Variants in MALRD1 observed in about 807,000 individuals in gnomAD.
The protein encoded by MALRD1 is MAM and LDL receptor class A domain containing 1, also known as MAM and LDL-receptor class A domain-containing protein 1.
A neutral mutation model predicts 242.1 loss-of-function variants in MALRD1; 247 were observed. The observed-to-expected ratio is 1.02, with a 90% CI of 0.92 to 1.13. The LOEUF (loss-of-function observed/expected upper bound fraction) is 1.13, where lower values mean the gene tolerates loss of function less well. Ranked by LOEUF, MALRD1 falls within the 50% of genes most tolerant of loss-of-function variation. MALRD1 has a pLI of 0.00. For synonymous variants in MALRD1, 995 were observed against 866.6 expected (o/e 1.15, Z -2.60); for missense variants, 2,989 against 2,533.1 (o/e 1.18, Z -3.86).
At chr10:19,668,018 C>G (rs546791158) in intron 36 of MALRD1, among the ~76,000 whole-genome samples, 2 of 152,194 alleles carry the variant, frequency 1.3e-5, no homozygotes, top group South Asian at 4.1e-4. Flanking sequence ...TCTGGGGCCT[C>G]TTTTACAAGG....
chr10:19,700,587 C>T (rs1231164590), intron 38 of MALRD1, among the ~76,000 whole-genome samples: 1 of 152,182 alleles, frequency 6.6e-6, no homozygotes, highest in Non-Finnish European at 1.5e-5. Context: ...ATGAGTGACT[C>T]AAGTCTTGGT....
rs34652493 is a variant in MALRD1 at position 19,157,272 on chromosome 10, C to CTT, written c.1656+2114_1656+2115dup. On this transcript the variant is annotated intron_variant, in intron 12 of 39. Transcript: ENST00000454679. ...GTGATATTTTCTTTTTCTTTCTTTC[C>CTT]TTTTTTTTTTTTTTTCCTGAGACAG... Among the ~76,000 whole-genome samples, 1,202 of 137,666 alleles carry CTT rather than the reference C, an allele frequency of 8.7e-3. 13 individuals carry two copies. Among genetic ancestry groups the CTT allele is most frequent in the African/African-American group, 0.028 (1,055 of 37,654 alleles). The allele number at this position is 137,666 out of a possible 152,430, so 90.3% of individuals were successfully genotyped here.
intron 26 of MALRD1, among the ~76,000 whole-genome samples, chr10:19,362,996 G>T (rs1431120175): frequency 6.6e-6 from 1 of 150,884 alleles, no homozygotes; most frequent in Non-Finnish European, 1.5e-5. Context: ...AGGAAGTGAG[G>T]GAGACTGTGG....
intron 7 of MALRD1, among the ~76,000 whole-genome samples, chr10:19,125,128 T>A (rs1366197016): frequency 6.6e-6 from 1 of 151,510 alleles, no homozygotes; most frequent in African/African-American, 2.4e-5. Context: ...GAATTTTTAG[T>A]GGAGACAGGA....
chr10:19,155,547 G>T (rs753869747), intron 12 of MALRD1, among the ~76,000 whole-genome samples: 4 of 152,160 alleles, frequency 2.6e-5, no homozygotes, highest in Non-Finnish European at 4.4e-5. Flanking sequence ...TATATTTACT[G>T]AAATTTGAGT....
intron 36 of MALRD1, among the ~76,000 whole-genome samples, chr10:19,646,407 C>T (rs1431296028): frequency 6.6e-6 from 1 of 152,168 alleles, no homozygotes; most frequent in African/African-American, 2.4e-5. Context: ...AATTCAAGAC[C>T]AGCCTGGCCA....
intron 32 of MALRD1, among the ~76,000 whole-genome samples, chr10:19,548,761 A>G (rs1835357944): frequency 6.6e-6 from 1 of 152,202 alleles, no homozygotes; most frequent in South Asian, 2.1e-4. Context: ...TCCTGAGACA[A>G]GACCACATCC....
intron 33 of MALRD1, among the ~76,000 whole-genome samples, chr10:19,568,109 CG>C (rs1289817789): frequency 2.0e-5 from 3 of 152,000 alleles, no homozygotes; most frequent in Non-Finnish European, 4.4e-5. Flanking sequence ...TTCTCCTAAC[CG>C]TTTCTATTGT....
chr10:19,208,384 A>G (rs777381283), intron 17 of MALRD1, among the ~76,000 whole-genome samples: 8 of 152,202 alleles, frequency 5.3e-5, no homozygotes, highest in Non-Finnish European at 1.0e-4. Context: ...GGGGAAGAAT[A>G]GTAGGGATGA....
rs1834661166 is a variant in MALRD1 at position 19,165,740 on chromosome 10, C to G, written c.1760C>G (p.Ser587Cys). Reference sequence around the variant, plus strand: ...AAGCAGGGCAAAATAATCAGATTCTCCGAATCTCAGTGGAGCCACGCAAAA... The same window carrying G: ...AAGCAGGGCAAAATAATCAGATTCTGCGAATCTCAGTGGAGCCACGCAAAA... ...LQKQGKIIRF[S>C]ESQWSHAKID... Residue 587 changes from serine to cysteine, a missense_variant, in exon 13 of 40, where the codon TCC (serine) becomes TGC (cysteine). Physicochemically the swap from Ser to Cys is moderately radical, Grantham distance 112. Transcript: ENST00000454679. 1 of 1,231,462 alleles carries G rather than the reference C, an allele frequency of 8.1e-7. No individual in the cohort carries two copies. Among genetic ancestry groups the G allele is most frequent in the African/African-American group, 1.6e-5 (1 of 64,386 alleles). 76.3% of individuals were successfully genotyped at this position (1,231,462 alleles called of 1,614,324 possible).
intron 29 of MALRD1, among the ~76,000 whole-genome samples, chr10:19,454,715 C>A: frequency 1.1e-5 from 1 of 90,168 alleles, no homozygotes; most frequent in South Asian, 3.4e-4. Flanking sequence ...TGCACACGTA[C>A]ACACACACAC....
chr10:19,108,387 CTTTTTTTTTTTTT>C (rs35948766), intron 5 of MALRD1, among the ~76,000 whole-genome samples: 14 of 19,764 alleles, frequency 7.1e-4, no homozygotes, highest in Non-Finnish European at 9.6e-4. Flanking sequence ...ATTGTTTTTT[CTTTTTTTTTTTTT>C]TTTTTTTTTT....
chr10:19,378,728 G>A (rs141091271), intron 26 of MALRD1, among the ~76,000 whole-genome samples: 72 of 152,092 alleles, frequency 4.7e-4, no homozygotes, highest in African/African-American at 1.6e-3. Flanking sequence ...GGCTAATTTA[G>A]TACAAAATTT....
chr10:19,244,789 A>T (rs1414309162), intron 18 of MALRD1, among the ~76,000 whole-genome samples: 1 of 152,172 alleles, frequency 6.6e-6, no homozygotes, highest in Non-Finnish European at 1.5e-5. Context: ...TATTGCAGAG[A>T]TCAATTGCCA....
At chr10:19,710,781 T>G (rs1834073794) in intron 38 of MALRD1, 1 of 152,218 alleles carries the variant, frequency 6.6e-6, no homozygotes, top group Non-Finnish European at 1.5e-5. Context: ...GTTGTAGCGT[T>G]TTTCCACATC....
At chr10:19,674,836 A>G (rs1250092369) in intron 36 of MALRD1, among the ~76,000 whole-genome samples, 1 of 151,844 alleles carries the variant, frequency 6.6e-6, no homozygotes, top group Non-Finnish European at 1.5e-5. Flanking sequence ...TGAATTATTT[A>G]GTTTCCTCTC....
chr10:19,689,923 A>G (rs558401253), intron 36 of MALRD1, among the ~76,000 whole-genome samples: 97 of 152,240 alleles, frequency 6.4e-4, no homozygotes, highest in Non-Finnish European at 1.2e-3. Context: ...ATTTCACCAT[A>G]TAAGTTTAAA....
chr10:19,299,218 A>G (rs1421515932), intron 21 of MALRD1, among the ~76,000 whole-genome samples: 1 of 151,986 alleles, frequency 6.6e-6, no homozygotes. Context: ...AAGATACACA[A>G]AATTAATAGT....
intron 26 of MALRD1, among the ~76,000 whole-genome samples, chr10:19,374,151 A>G (rs550663575): frequency 1.3e-5 from 2 of 152,240 alleles, no homozygotes; most frequent in Non-Finnish European, 2.9e-5. Context: ...GTCTGCATAT[A>G]TAAATACACA....
Sources: gnomAD v4.1 joint callset for allele counts (sites outside exome capture counted in the v4.1 genomes callset) on GRCh38, gnomAD v4.1.1 for gene constraint, MANE v1.5 for transcripts, NCBI Gene and HGNC (gene_info 2026-07-23, HGNC 2026-07-21) for gene names.